The following RGS7 variants were observed in gnomAD, a reference collection of about 807,000 sequenced individuals.
The protein encoded by RGS7 is regulator of G protein signaling 7, also known as regulator of G-protein signaling 7.
Under a neutral mutation model 81.1 loss-of-function variants are expected in RGS7, and 27 were observed. The ratio of observed to expected loss-of-function variants is 0.33; its 90% CI spans 0.25 to 0.46. The LOEUF (loss-of-function observed/expected upper bound fraction) is 0.46. Ranked by LOEUF, RGS7 falls within the 20% of genes least tolerant of loss-of-function variation. The probability of loss-of-function intolerance (pLI) is 1.00; values close to 1 mark genes in which losing one functional copy is unlikely to be tolerated. For missense variants in RGS7, 396 were observed against 607.4 expected (o/e 0.65, Z 3.66); for synonymous variants, 208 against 207.7 (o/e 1.00, Z -0.01).
intron 3 of RGS7, among the ~76,000 whole-genome samples, chr1:241,025,697 C>CT (rs36073556): frequency 1.3e-4 from 19 of 148,304 alleles, no homozygotes; most frequent in South Asian, 4.3e-4. Context: ...ATTCTAGAAG[C>CT]TTTTTTTTTT....
chr1:240,834,985 T>C (rs549349211), intron 9 of RGS7, among the ~76,000 whole-genome samples: 1 of 151,102 alleles, frequency 6.6e-6, no homozygotes, highest in Admixed American at 6.6e-5. Flanking sequence ...AACCTAAATG[T>C]AAAATGCTAA....
chr1:240,944,123 T>G (rs1678071589), intron 4 of RGS7, among the ~76,000 whole-genome samples: 1 of 151,398 alleles, frequency 6.6e-6, no homozygotes. Flanking sequence ...TTTGAAAAAA[T>G]GATCCATGTA....
At chr1:241,344,257 G>T (rs1573771435) in intron 2 of RGS7, among the ~76,000 whole-genome samples, 2 of 152,310 alleles carry the variant, frequency 1.3e-5, no homozygotes, top group African/African-American at 4.8e-5. Context: ...AATTGTAAAT[G>T]TTGCTTTATA....
At chr1:240,865,772 T>A (rs1663123138) in intron 9 of RGS7, among the ~76,000 whole-genome samples, 1 of 152,196 alleles carries the variant, frequency 6.6e-6, no homozygotes, top group Non-Finnish European at 1.5e-5. Context: ...TTTTCCCCTA[T>A]GCCACTTTTT....
intron 3 of RGS7, among the ~76,000 whole-genome samples, chr1:241,060,007 C>G (rs959302805): frequency 6.6e-6 from 1 of 152,046 alleles, no homozygotes; most frequent in Non-Finnish European, 1.5e-5. Flanking sequence ...CTAAGTCATT[C>G]TCAAATTCAC....
intron 3 of RGS7, among the ~76,000 whole-genome samples, chr1:241,075,286 T>A (rs1035485356): frequency 6.6e-6 from 1 of 152,234 alleles, no homozygotes; most frequent in African/African-American, 2.4e-5. Flanking sequence ...AACTCACTTT[T>A]GGGTTGTCTA....
At chr1:241,109,471 T>C (rs973888777) in intron 2 of RGS7, among the ~76,000 whole-genome samples, 1 of 152,178 alleles carries the variant, frequency 6.6e-6, no homozygotes, top group African/African-American at 2.4e-5. Context: ...ATGTAAGTTA[T>C]TTATTAACAT....
chr1:241,136,929 TG>T (rs1329907884), intron 2 of RGS7, among the ~76,000 whole-genome samples: 3 of 152,204 alleles, frequency 2.0e-5, no homozygotes, highest in African/African-American at 7.2e-5. Flanking sequence ...TCTGTTAATC[TG>T]TTGGTGGCTT....
intron 4 of RGS7, among the ~76,000 whole-genome samples, chr1:240,965,358 T>C (rs1424293710): frequency 6.6e-6 from 1 of 152,226 alleles, no homozygotes; most frequent in African/African-American, 2.4e-5. Flanking sequence ...CCTGCCAGTT[T>C]GCTTGCATCT....
intron 3 of RGS7, among the ~76,000 whole-genome samples, chr1:241,089,063 C>CTCTCTCTCTCTCTCTATATA (rs1374552672): frequency 4.2e-5 from 1 of 23,684 alleles, no homozygotes; most frequent in African/African-American, 2.3e-4. Context: ...CTCTCTCTCT[C>CTCTCTCTCTCTCTCTATATA]TATATATATA....
chr1:241,017,590 G>A (rs1304020946), intron 3 of RGS7, among the ~76,000 whole-genome samples: 1 of 151,874 alleles, frequency 6.6e-6, no homozygotes, highest in Non-Finnish European at 1.5e-5. Context: ...TAGAATTATA[G>A]GTTGGCAGAT....
chr1:241,238,956 G>GT lies in RGS7; in HGVS notation c.78+116742_78+116743insA, dbSNP rs1260481815. Among the ~76,000 whole-genome samples the GT allele has an allele frequency of 1.0e-3, 92 of 88,130 alleles. 1 individual carries two copies. Among genetic ancestry groups the GT allele is most frequent in the Middle Eastern group, 6.0e-3 (1 of 166 alleles). The allele number at this position is 88,130 out of a possible 152,430, so 57.8% of individuals were successfully genotyped here. The stretch of plus-strand genomic sequence containing the variant: ...GCCAATGAGTCTCCAAATAGCTATT[G>GT]CCTCTCTCTCTTTTTTTTTTTTTTT... On this transcript the variant is annotated intron_variant, in intron 2 of 18. Transcript: ENST00000440928.
intron 9 of RGS7, among the ~76,000 whole-genome samples, chr1:240,864,974 C>CT (rs570595888): frequency 1.6e-4 from 24 of 150,454 alleles, no homozygotes; most frequent in South Asian, 1.1e-3. Flanking sequence ...TTGCTTTTTC[C>CT]TTTTTTTTTG....
At chr1:241,066,086 T>C (rs994236748) in intron 3 of RGS7, among the ~76,000 whole-genome samples, 5 of 152,216 alleles carry the variant, frequency 3.3e-5, no homozygotes, top group African/African-American at 7.2e-5. Flanking sequence ...TATAAATGAA[T>C]AATGGAGTAA....
intron 9 of RGS7, among the ~76,000 whole-genome samples, chr1:240,849,264 C>T (rs987559506): frequency 2.0e-5 from 3 of 152,002 alleles, no homozygotes; most frequent in Admixed American, 6.5e-5. Context: ...TTCTACCTTA[C>T]TCATCCTAAT....
At position 240,800,378 on chromosome 1, in the gene RGS7, A is replaced by G. The variant is rs1687831241; in HGVS notation, c.*6+263T>C. 7.9e-5 allele frequency among the ~76,000 whole-genome samples: 12 copies of G among 152,182 alleles called. No individual in the cohort carries two copies. The South Asian group carries it at 2.5e-3, about 32-fold the overall frequency. On this transcript the variant is annotated intron_variant, in intron 18 of 18. Coordinates refer to ENST00000440928, the MANE Select transcript of RGS7 (RefSeq NM_001364886.1). ...TATATATTACTGTTCAAATTCTTTC[A>G]AATACTCTGTGTACCGTTGCAATGG...
At chr1:240,777,230 TGAG>T (rs1456764689) in intron 18 of RGS7, among the ~76,000 whole-genome samples, 1 of 151,886 alleles carries the variant, frequency 6.6e-6, no homozygotes, top group Admixed American at 6.6e-5. Flanking sequence ...TGCAGTGGGC[TGAG>T]ATCGCGCCAC....
intron 6 of RGS7, among the ~76,000 whole-genome samples, chr1:240,897,209 C>T (rs943982482): frequency 6.6e-6 from 1 of 152,152 alleles, no homozygotes; most frequent in African/African-American, 2.4e-5. Context: ...CTAAATAATA[C>T]AATCATGTCA....
At position 240,777,444 on chromosome 1, in the gene RGS7, CAT is replaced by C. The variant is rs762098672; in HGVS notation, c.*7-1233_*7-1232del. On this transcript the variant is annotated intron_variant, in intron 18 of 18. Transcript: ENST00000440928. ...TAAGTAAAAATTAAAAAATTGGAAACATATATTTTAGTAATAAATCACAGTCA... is the reference window on the plus strand; with the variant it reads ...TAAGTAAAAATTAAAAAATTGGAAACATATTTTAGTAATAAATCACAGTCA... Among the ~76,000 whole-genome samples the C allele has an allele frequency of 8.6e-5, 13 of 152,002 alleles. No homozygotes were observed. The East Asian group carries it at 1.3e-3, about 16-fold the overall frequency.
Sources: allele counts gnomAD v4.1 joint callset (sites outside exome capture counted in the v4.1 genomes callset), GRCh38; gene constraint gnomAD v4.1.1; transcripts MANE v1.5; gene names NCBI Gene and HGNC (gene_info 2026-07-23, HGNC 2026-07-21).